Variants in CLIC2 observed in about 807,000 individuals in gnomAD.
CLIC2 encodes the protein CLIC family member 2.
Under a neutral mutation model 14.8 loss-of-function variants are expected in CLIC2, and 9 were observed. That is an observed-to-expected ratio of 0.61 (90% CI 0.37 to 1.06). The LOEUF (loss-of-function observed/expected upper bound fraction) is 1.06. Ranked by LOEUF, CLIC2 falls within the 50% of genes least tolerant of loss-of-function variation. The probability of loss-of-function intolerance (pLI) is 0.01; values close to 1 mark genes in which losing one functional copy is unlikely to be tolerated. For synonymous variants in CLIC2, 61 were observed against 66.3 expected, an observed-to-expected ratio of 0.92 and a Z score of 0.39; for missense variants, 148 against 181.4, an observed-to-expected ratio of 0.82 and a Z score of 1.06.
chrX:155,305,772 T>C (rs2075053312), intron 1 of CLIC2, among the ~76,000 whole-genome samples: 1 of 112,791 alleles, frequency 8.9e-6, no homozygotes, highest in African/African-American at 3.2e-5. Flanking sequence ...TTGTGATATA[T>C]GTTACATGTA....
intron 3 of CLIC2, among the ~76,000 whole-genome samples, chrX:155,297,952 G>A (rs1221651937): frequency 9.4e-6 from 1 of 106,826 alleles, no homozygotes; most frequent in East Asian, 2.9e-4. Flanking sequence ...CAGCCATGTT[G>A]CGAAATGCCT....
chrX:155,287,864 T>C (rs1467070123), intron 3 of CLIC2, among the ~76,000 whole-genome samples: 1 of 112,309 alleles, frequency 8.9e-6, no homozygotes, highest in African/African-American at 3.2e-5. Context: ...TTGATATTGA[T>C]TCTTCCTATC....
intron 1 of CLIC2, among the ~76,000 whole-genome samples, chrX:155,329,332 G>T (rs2075148763): frequency 9.2e-6 from 1 of 108,791 alleles, no homozygotes; most frequent in South Asian, 4.1e-4. Context: ...TATACAAATG[G>T]TGAAGAGCCA....
At chrX:155,288,513 T>C (rs1359786080) in intron 3 of CLIC2, among the ~76,000 whole-genome samples, 2 of 112,052 alleles carry the variant, frequency 1.8e-5, no homozygotes, top group African/African-American at 6.5e-5. Context: ...TATACCTTCA[T>C]GACAGGTAGT....
At chrX:155,324,712 T>G (rs1557322128) in intron 1 of CLIC2, among the ~76,000 whole-genome samples, 1 of 111,399 alleles carries the variant, frequency 9.0e-6, no homozygotes, top group Non-Finnish European at 1.9e-5. Context: ...GGGCAAAGAC[T>G]TCATGACTAA....
intron 3 of CLIC2, among the ~76,000 whole-genome samples, chrX:155,297,454 C>T (rs1419872371): frequency 9.1e-6 from 1 of 109,306 alleles, no homozygotes; most frequent in Non-Finnish European, 1.9e-5. Flanking sequence ...TTATGGACAC[C>T]GTAGATACCT....
intron 1 of CLIC2, among the ~76,000 whole-genome samples, chrX:155,299,994 G>C (rs1264519846): frequency 9.1e-6 from 1 of 109,755 alleles, no homozygotes; most frequent in African/African-American, 3.3e-5. Context: ...CATTTGGGTT[G>C]GTTCCAAGTC....
chrX:155,312,948 G>A (rs2075079533), intron 1 of CLIC2, among the ~76,000 whole-genome samples: 1 of 110,840 alleles, frequency 9.0e-6, no homozygotes, highest in South Asian at 3.8e-4. Context: ...TGTGGCCAAT[G>A]AGCGTATGAA....
chrX:155,332,331 G>A (rs1195656438), intron 1 of CLIC2, among the ~76,000 whole-genome samples: 4 of 111,102 alleles, frequency 3.6e-5, no homozygotes, highest in Non-Finnish European at 5.7e-5. Flanking sequence ...TATCTTCCAC[G>A]AAACTTCTAG....
At position 155,326,022 on chromosome X, in the gene CLIC2, G is replaced by A. The variant is rs187387295; in HGVS notation, c.57+8349C>T. ...ATACAATGGACTTTGAAGACTCAGA[G>A]AAAGGGGTGGGGGAGTGAAGATAAA... On this transcript the variant is annotated intron_variant, in intron 1 of 5. Transcript: ENST00000369449. Among the ~76,000 whole-genome samples, 5 of 107,514 alleles carry A rather than the reference G, an allele frequency of 4.7e-5. No homozygotes were observed. The East Asian group carries it at 1.5e-3, about 32-fold the overall frequency. The allele number at this position is 107,514 out of a possible 115,157, so 93.4% of individuals were successfully genotyped here.
intron 3 of CLIC2, chrX:155,292,738 C>T (rs1338280535): frequency 6.9e-6 from 3 of 436,316 alleles, no homozygotes; most frequent in Non-Finnish European, 1.2e-5. Flanking sequence ...CCACTGCACT[C>T]CAGCCTGGGC....
chrX:155,320,522 A>G (rs1425950737), intron 1 of CLIC2, among the ~76,000 whole-genome samples: 4 of 112,182 alleles, frequency 3.6e-5, no homozygotes, highest in African/African-American at 1.3e-4. Flanking sequence ...AACATCAACA[A>G]AAAGGATGTC....
At chrX:155,329,540 G>A (rs782260967) in intron 1 of CLIC2, among the ~76,000 whole-genome samples, 1 of 108,035 alleles carries the variant, frequency 9.3e-6, no homozygotes, top group South Asian at 4.2e-4. Context: ...AATAACAAAC[G>A]CTGGCGAGGA....
intron 3 of CLIC2, among the ~76,000 whole-genome samples, chrX:155,286,451 G>A (rs1441496965): frequency 3.6e-5 from 4 of 111,819 alleles, no homozygotes; most frequent in Non-Finnish European, 1.9e-5. Context: ...TCTCATGCAC[G>A]TGTCTTTATG....
intron 3 of CLIC2, among the ~76,000 whole-genome samples, chrX:155,287,810 T>A (rs1326359568): frequency 8.9e-6 from 1 of 112,314 alleles, no homozygotes; most frequent in Non-Finnish European, 1.9e-5. Context: ...TTGTTAGAAA[T>A]AACACTGAAT....
At chrX:155,307,649 C>T (rs892509786) in intron 1 of CLIC2, among the ~76,000 whole-genome samples, 1 of 111,614 alleles carries the variant, frequency 9.0e-6, no homozygotes, top group Non-Finnish European at 1.9e-5. Context: ...CTTTGGGAGG[C>T]TGAGGCAGGC....
intron 1 of CLIC2, among the ~76,000 whole-genome samples, chrX:155,320,378 TGCTGTTCTGCA>T (rs2075110075): frequency 8.9e-6 from 1 of 112,123 alleles, no homozygotes; most frequent in Non-Finnish European, 1.9e-5. Context: ...AGGCAATCTT[TGCTGTTCTGCA>T]GCCTCTGCTG....
chrX:155,293,031 A>T (rs1168857421), intron 3 of CLIC2: 1 of 668,862 alleles, frequency 1.5e-6, no homozygotes, highest in African/African-American at 2.2e-5. Context: ...CATTAAACAC[A>T]GCCCTGTACG....
At chrX:155,300,067 T>A (rs1254158918) in intron 1 of CLIC2, among the ~76,000 whole-genome samples, 1 of 108,810 alleles carries the variant, frequency 9.2e-6, no homozygotes, top group Non-Finnish European at 1.9e-5. Flanking sequence ...AGCAGCATGA[T>A]TTATAGTTCT....
Sources: allele counts gnomAD v4.1 joint callset (sites outside exome capture counted in the v4.1 genomes callset), GRCh38; gene constraint gnomAD v4.1.1; transcripts MANE v1.5; gene names NCBI Gene and HGNC (gene_info 2026-07-23, HGNC 2026-07-21).